The following ASTN2 variants were observed in gnomAD, a reference collection of about 807,000 sequenced individuals.
ASTN2 encodes the protein astrotactin 2.
ASTN2 carries 54 observed loss-of-function variants against 139.8 expected under a neutral mutation model. That is an observed-to-expected ratio of 0.39 (90% CI 0.31 to 0.48). ASTN2 has a LOEUF of 0.48. Among genes scored for constraint, ASTN2 ranks in the 20% least tolerant of loss-of-function variants. The probability of loss-of-function intolerance (pLI) is 0.95; values close to 1 mark genes in which losing one functional copy is unlikely to be tolerated. For missense variants in ASTN2, 1,565 were observed against 1,725.1 expected (o/e 0.91, Z 1.64); for synonymous variants, 756 against 719.5 (o/e 1.05, Z -0.81).
intron 16 of ASTN2, among the ~76,000 whole-genome samples, chr9:116,659,185 TATTTG>T (rs146516397): frequency 0.041 from 6,185 of 152,256 alleles, 406 homozygotes; most frequent in African/African-American, 0.14. Flanking sequence ...ACGTTTTTAT[TATTTG>T]ATTTAATATA....
intron 6 of ASTN2, among the ~76,000 whole-genome samples, chr9:117,012,420 A>C (rs557466493): frequency 6.6e-6 from 1 of 152,194 alleles, no homozygotes; most frequent in Non-Finnish European, 1.5e-5. Flanking sequence ...CTTTGTGCCA[A>C]ATTTAATGTA....
intron 6 of ASTN2, among the ~76,000 whole-genome samples, chr9:117,031,809 G>C (rs1051278418): frequency 1.1e-4 from 17 of 152,102 alleles, no homozygotes; most frequent in African/African-American, 3.9e-4. Context: ...ACGTAAGACT[G>C]GAAAGGCGGG....
At chr9:116,787,627 C>A (rs1458185981) in intron 13 of ASTN2, among the ~76,000 whole-genome samples, 1 of 152,146 alleles carries the variant, frequency 6.6e-6, no homozygotes, top group Non-Finnish European at 1.5e-5. Context: ...CCACTTACTC[C>A]AGCAATTAAA....
At chr9:117,139,117 G>C (rs922354534) in intron 4 of ASTN2, among the ~76,000 whole-genome samples, 2 of 152,188 alleles carry the variant, frequency 1.3e-5, no homozygotes, top group African/African-American at 4.8e-5. Context: ...AGAGGACTTA[G>C]GAGGGGGATT....
At chr9:117,249,707 A>G (rs1833484751) in intron 2 of ASTN2, among the ~76,000 whole-genome samples, 2 of 150,534 alleles carry the variant, frequency 1.3e-5, no homozygotes, top group East Asian at 3.9e-4. Context: ...TTTTTTTTTA[A>G]CTTTAAAGAT....
At chr9:116,750,968 C>G (rs149378700) in intron 13 of ASTN2, among the ~76,000 whole-genome samples, 117 of 152,168 alleles carry the variant, frequency 7.7e-4, no homozygotes, top group African/African-American at 2.5e-3. Context: ...TTTGTAAGAC[C>G]CTGGATCCAG....
At chr9:116,781,817 C>T (rs1438780337) in intron 13 of ASTN2, among the ~76,000 whole-genome samples, 2 of 152,034 alleles carry the variant, frequency 1.3e-5, no homozygotes, top group South Asian at 4.2e-4. Context: ...CAGTTCTTGC[C>T]CCACATATTG....
At chr9:116,776,821 A>G (rs1830097651) in intron 13 of ASTN2, among the ~76,000 whole-genome samples, 1 of 152,170 alleles carries the variant, frequency 6.6e-6, no homozygotes, top group African/African-American at 2.4e-5. Context: ...ATTGAGTAAA[A>G]TAATTGGACG....
intron 1 of ASTN2, among the ~76,000 whole-genome samples, chr9:117,298,643 T>TG (rs1834793128): frequency 1.3e-5 from 2 of 148,984 alleles, no homozygotes; most frequent in African/African-American, 4.9e-5. Context: ...CTTTTACTAC[T>TG]GTCTTGGTGT....
chr9:117,042,669 A>G (rs1415345891), intron 5 of ASTN2, among the ~76,000 whole-genome samples: 5 of 152,016 alleles, frequency 3.3e-5, no homozygotes, highest in African/African-American at 7.2e-5. Flanking sequence ...TATGTATAGT[A>G]TAAATCTTTT....
intron 16 of ASTN2, among the ~76,000 whole-genome samples, chr9:116,719,361 C>A (rs1828411290): frequency 1.3e-5 from 2 of 152,096 alleles, no homozygotes; most frequent in Non-Finnish European, 2.9e-5. Context: ...CAGACAAATG[C>A]AGCCAGGCTG....
intron 19 of ASTN2, among the ~76,000 whole-genome samples, chr9:116,591,786 G>A (rs1854388802): frequency 6.6e-6 from 1 of 152,180 alleles, no homozygotes; most frequent in Non-Finnish European, 1.5e-5. Context: ...TGTGAAGCTG[G>A]TAATTTGTTT....
intron 1 of ASTN2, among the ~76,000 whole-genome samples, chr9:117,365,339 G>GAGAAA (rs535254317): frequency 3.4e-5 from 5 of 147,240 alleles, no homozygotes; most frequent in South Asian, 2.1e-4. Flanking sequence ...GAAAGAAAGA[G>GAGAAA]AGAAAAGAAA....
At chr9:117,311,651 CA>C (rs1194986379) in intron 1 of ASTN2, among the ~76,000 whole-genome samples, 3 of 151,790 alleles carry the variant, frequency 2.0e-5, no homozygotes, top group Non-Finnish European at 2.9e-5. Flanking sequence ...ATTCACTCTC[CA>C]AAAAAAACCT....
intron 1 of ASTN2, among the ~76,000 whole-genome samples, chr9:117,354,470 C>G (rs991704728): frequency 1.4e-4 from 22 of 152,184 alleles, no homozygotes; most frequent in African/African-American, 5.1e-4. Flanking sequence ...GCTTTCAAAA[C>G]CCAAATCCCC....
chr9:117,199,882 T>C (rs114588574), intron 3 of ASTN2, among the ~76,000 whole-genome samples: 2,506 of 152,072 alleles, frequency 0.016, 61 homozygotes, highest in African/African-American at 0.058. Flanking sequence ...TTTTATTCTC[T>C]TTGCATGGGA....
intron 11 of ASTN2, among the ~76,000 whole-genome samples, chr9:116,824,712 A>T (rs1831577666): frequency 6.6e-6 from 1 of 152,248 alleles, no homozygotes; most frequent in Non-Finnish European, 1.5e-5. Context: ...GATTTTTGAG[A>T]TAATTTGTTA....
chr9:117,076,543 G>A lies in ASTN2; in HGVS notation c.1276+19501C>T, dbSNP rs918934132. On this transcript the variant is annotated intron_variant, in intron 5 of 22. Transcript: ENST00000313400. ...ACCATCAGAAGGTTTCAACAAAAAA[G>A]TGATGTTTTCAGACGTGTGTGGTAG... Among the ~76,000 whole-genome samples, 4 of 152,174 alleles carry A rather than the reference G, an allele frequency of 2.6e-5. No homozygotes were observed. In the East Asian group the frequency reaches 7.7e-4, roughly 29 times the overall value.
At position 116,425,591 on chromosome 9, in the gene ASTN2, TA is replaced by T. The variant is rs748885051; in HGVS notation, c.*259del. ...TGACAGCCATCCATAAGAAAAGGTTTAAAAAGGAGAGACTTTTGATAGAGTC... is the reference window on the plus strand; with the variant it reads ...TGACAGCCATCCATAAGAAAAGGTTTAAAAGGAGAGACTTTTGATAGAGTC... On this transcript the variant is annotated 3_prime_UTR_variant, in exon 23 of 23. Coordinates refer to ENST00000313400, the MANE Select transcript of ASTN2 (RefSeq NM_001365068.1). 2 of 1,613,190 alleles carry T rather than the reference TA, an allele frequency of 1.2e-6. No homozygotes were observed. Among genetic ancestry groups the T allele is most frequent in the African/African-American group, 2.7e-5 (2 of 74,790 alleles).
Sources: gnomAD v4.1 joint callset for allele counts (sites outside exome capture counted in the v4.1 genomes callset) on GRCh38, gnomAD v4.1.1 for gene constraint, MANE v1.5 for transcripts, NCBI Gene and HGNC (gene_info 2026-07-23, HGNC 2026-07-21) for gene names.